Variants in MTREX observed in about 807,000 individuals in gnomAD.
MTREX encodes the protein exosome RNA helicase MTR4.
A neutral mutation model predicts 135.4 loss-of-function variants in MTREX; 76 were observed. The observed-to-expected ratio is 0.56, with a 90% CI of 0.47 to 0.68. The LOEUF (loss-of-function observed/expected upper bound fraction) is 0.68, where lower values mean the gene tolerates loss of function less well. Among genes scored for constraint, MTREX ranks in the 30% least tolerant of loss-of-function variants. The probability of loss-of-function intolerance (pLI) is 0.00; values close to 1 mark genes in which losing one functional copy is unlikely to be tolerated. For synonymous variants in MTREX, 404 were observed against 401.6 expected, an observed-to-expected ratio of 1.01 and a Z score of -0.07; for missense variants, 920 against 1,262.1, an observed-to-expected ratio of 0.73 and a Z score of 4.11.
At chr5:55,409,124 G>A (rs1579900035) in intron 22 of MTREX, among the ~76,000 whole-genome samples, 2 of 151,910 alleles carry the variant, frequency 1.3e-5, no homozygotes, top group African/African-American at 4.8e-5. Flanking sequence ...GCTTATTTTT[G>A]TATTGCTTTG....
At position 55,339,888 on chromosome 5, in the gene MTREX, C is replaced by G. The variant is rs1749616359; in HGVS notation, c.516-122C>G. 7 of 552,942 alleles carry G rather than the reference C, an allele frequency of 1.3e-5. No homozygotes were observed. In the South Asian group the frequency reaches 2.9e-4, roughly 23 times the overall value. The allele number at this position is 552,942 out of a possible 1,614,324, so 34.3% of individuals were successfully genotyped here. ...GTATAATAGATATGGTGTTACTGTT[C>G]TTCAGAGTCCATTCAAGATAAATAA... On this transcript the variant is annotated intron_variant, in intron 5 of 26. Coordinates refer to ENST00000230640, the MANE Select transcript of MTREX (RefSeq NM_015360.5).
At chr5:55,379,339 T>A (rs1203347571) in intron 18 of MTREX, 144 bp downstream of exon 18, 1 of 541,266 alleles carries the variant, frequency 1.8e-6, no homozygotes, top group Admixed American at 3.2e-5. Flanking sequence ...ATTTTTGGAA[T>A]ACACCCGGCT....
chr5:55,370,400 G>A (rs1305953101), intron 16 of MTREX, among the ~76,000 whole-genome samples: 1 of 152,060 alleles, frequency 6.6e-6, no homozygotes, highest in Non-Finnish European at 1.5e-5. Context: ...TGTCTTCACA[G>A]TCCCCAGCTT....
rs557449134 is a variant in MTREX at position 55,397,479 on chromosome 5, G to T, written c.2245G>T (p.Asp749Tyr). 1.9e-6 allele frequency: 3 copies of T among 1,610,706 alleles called. No individual in the cohort carries two copies. The South Asian group carries it at 3.3e-5, about 18-fold the overall frequency. The change falls in exon 20 of 27, where the codon GAC (aspartate) becomes TAC (tyrosine). Residue 749 changes from aspartate to tyrosine, a missense_variant. Around this residue, in one of 6 missense-constraint regions of MTREX, gnomAD observed 467 missense variants for 589.7 expected, o/e 0.79. Transcript: ENST00000230640. ...CAGTGTTAGGCTTTACATTCCTAAA[G>T]ACCTTCGGCCGGTGGACAATAGACA... ...ISSVRLYIPK[D>Y]LRPVDNRQSV...
intron 5 of MTREX, among the ~76,000 whole-genome samples, chr5:55,333,805 TATA>T (rs1749512044): frequency 6.6e-6 from 1 of 152,152 alleles, no homozygotes; most frequent in Admixed American, 6.6e-5. Flanking sequence ...ATGTGTTTGT[TATA>T]ATGTTAGAAT....
Position 55,324,148 on chromosome 5 carries a change from C to T in MTREX, c.289C>T (p.Pro97Ser). 6.2e-7 allele frequency: 1 copy of T among 1,610,664 alleles called. No homozygotes were observed. The highest frequency in any genetic ancestry group is 8.5e-7 in the Non-Finnish European group (1 of 1,178,210). Residue 97 changes from proline (P) to serine (S), a missense_variant, in exon 3 of 27, where the codon CCC becomes TCC. Physicochemically the swap from Pro to Ser is moderately conservative, Grantham distance 74. Transcript: ENST00000230640. ...CTTTTTAAGTTTGGCAGACCTGATG[C>T]CCAGAGTCAAGGTACAATCAGTTGA... ...TEDLSLADLM[P>S]RVKVQSVETV...
In MTREX at chr5:55,425,549, T is replaced by C. The variant is rs1751161117; in HGVS notation, c.*777T>C. The C allele has an allele frequency of 4.1e-6, 2 of 482,806 alleles. No homozygotes were observed. The highest frequency in any genetic ancestry group is 2.0e-5 in the African/African-American group (1 of 49,874). The allele number at this position is 482,806 out of a possible 1,614,324, so 29.9% of individuals were successfully genotyped here. On this transcript the variant is annotated 3_prime_UTR_variant, in exon 27 of 27. Coordinates refer to ENST00000230640, the MANE Select transcript of MTREX (RefSeq NM_015360.5). The stretch of plus-strand genomic sequence containing the variant: ...TATGCCTTCAGCAAATAGCTTCATT[T>C]TGCCAATACTGAATAAAAGAGTTAT...
chr5:55,355,851 G>A (rs573707994), intron 14 of MTREX, among the ~76,000 whole-genome samples: 1 of 152,324 alleles, frequency 6.6e-6, no homozygotes, highest in African/African-American at 2.4e-5. Context: ...AGAGAGTCAG[G>A]GAAGAAGGCT....
chr5:55,323,233 C>T (rs779703135), intron 2 of MTREX, among the ~76,000 whole-genome samples: 2 of 152,108 alleles, frequency 1.3e-5, no homozygotes, highest in African/African-American at 4.8e-5. Flanking sequence ...AGTTTAAAGT[C>T]ATTGTTACTT....
At position 55,416,189 on chromosome 5, in the gene MTREX, T is replaced by G. The variant is rs561517402; in HGVS notation, c.2971+57T>G. The stretch of plus-strand genomic sequence containing the variant: ...AGTATAAGAAATACAGTTAGGATGG[T>G]ATTGTTTTAATTAAACAAGTATAAT... On this transcript the variant is annotated intron_variant, in intron 25 of 26. Transcript: ENST00000230640. 16 of 1,148,726 alleles carry G rather than the reference T, an allele frequency of 1.4e-5. No individual in the cohort carries two copies. In the South Asian group the frequency reaches 2.5e-4, roughly 18 times the overall value. 71.2% of individuals were successfully genotyped at this position (1,148,726 alleles called of 1,614,324 possible).
intron 20 of MTREX, among the ~76,000 whole-genome samples, chr5:55,398,246 G>GA (rs1178055026): frequency 3.7e-4 from 49 of 131,744 alleles, no homozygotes; most frequent in African/African-American, 7.8e-4. Flanking sequence ...TCTCTTTTAA[G>GA]AAAAAAAAAA....
Position 55,425,437 on chromosome 5 carries a change from A to G in MTREX, c.*665A>G. The stretch of plus-strand genomic sequence containing the variant: ...AAGATAAATATAAACAAAAGGATAT[A>G]CTTTGAGGTGTACAGATTAAGCATA... On this transcript the variant is annotated 3_prime_UTR_variant, in exon 27 of 27. Coordinates refer to ENST00000230640, the MANE Select transcript of MTREX (RefSeq NM_015360.5). 1 of 1,097,374 alleles carries G rather than the reference A, an allele frequency of 9.1e-7. No homozygotes were observed. The highest frequency in any genetic ancestry group is 2.5e-5 in the East Asian group (1 of 39,454). 68.0% of individuals were successfully genotyped at this position (1,097,374 alleles called of 1,614,324 possible).
intron 20 of MTREX, among the ~76,000 whole-genome samples, chr5:55,398,423 T>G (rs1215084085): frequency 6.6e-6 from 1 of 152,228 alleles, no homozygotes; most frequent in Non-Finnish European, 1.5e-5. Flanking sequence ...GTGGGCTTCC[T>G]GAAATGAGTG....
At chr5:55,314,428 T>C (rs906132576) in intron 1 of MTREX, among the ~76,000 whole-genome samples, 2 of 152,106 alleles carry the variant, frequency 1.3e-5, no homozygotes, top group African/African-American at 4.8e-5. Context: ...ACCGAAGTAA[T>C]AACAAGGGTT....
intron 5 of MTREX, among the ~76,000 whole-genome samples, chr5:55,337,464 T>C (rs1181073018): frequency 1.3e-5 from 2 of 152,096 alleles, no homozygotes; most frequent in Non-Finnish European, 2.9e-5. Flanking sequence ...CCTGAGGTTT[T>C]AGATAATTCT....
chr5:55,415,831 T>C lies in MTREX; in HGVS notation c.2809-139T>C, dbSNP rs117785997. 2,406 of 552,076 alleles carry C rather than the reference T, an allele frequency of 4.4e-3. 54 individuals carry two copies. In the East Asian group the frequency reaches 0.048, roughly 11 times the overall value. The allele number at this position is 552,076 out of a possible 1,614,324, so 34.2% of individuals were successfully genotyped here. A position where few individuals can be genotyped will look rare whatever the true frequency, so the allele number is the denominator to read the frequency against. On this transcript the variant is annotated intron_variant, in intron 24 of 26. Transcript: ENST00000230640. ...GCAATGGAACAGGCACTGTGCCTACTTAGGAGCAGAATGTCCACATTGCAG... is the reference window on the plus strand; with the variant it reads ...GCAATGGAACAGGCACTGTGCCTACCTAGGAGCAGAATGTCCACATTGCAG...
chr5:55,328,698 G>A lies in MTREX; in HGVS notation c.403-1G>A. On this transcript the variant is annotated splice_acceptor_variant, in intron 4 of 26. Coordinates refer to ENST00000230640, the MANE Select transcript of MTREX (RefSeq NM_015360.5). LOFTEE classifies it high-confidence loss of function. ...CAGATATTAATGTTTTGTTTTTATA[G>A]GAATACCCGTTCATTCTTGATGCTT... 1 of 1,599,814 alleles carries A rather than the reference G, an allele frequency of 6.3e-7. No homozygotes were observed.
rs571604841 is a variant in MTREX at position 55,408,482 on chromosome 5, C to A, written c.2646-2042C>A. On this transcript the variant is annotated intron_variant, in intron 22 of 26. Transcript: ENST00000230640. The stretch of plus-strand genomic sequence containing the variant: ...TGCTTGACTTAACTCTTAAGCTTAA[C>A]ACTAGAGACCCAAATTTAGTTTTTG... 5.3e-5 allele frequency among the ~76,000 whole-genome samples: 8 copies of A among 152,260 alleles called. 1 individual carries two copies. The South Asian group carries it at 1.7e-3, about 32-fold the overall frequency.
intron 19 of MTREX, among the ~76,000 whole-genome samples, chr5:55,389,499 G>A (rs772174597): frequency 5.9e-5 from 9 of 152,072 alleles, no homozygotes; most frequent in Admixed American, 2.0e-4. Context: ...GGCAAGGGGT[G>A]GGGGGTTGTT....
Sources: allele counts gnomAD v4.1 joint callset (sites outside exome capture counted in the v4.1 genomes callset), GRCh38; gene constraint gnomAD v4.1.1; regional missense constraint gnomAD v4.1.1; transcripts MANE v1.5; gene names NCBI Gene and HGNC (gene_info 2026-07-23, HGNC 2026-07-21).